PTCD3: variants seen among roughly 807,000 people sequenced by gnomAD.
PTCD3 encodes the protein small ribosomal subunit protein mS39.
Under a neutral mutation model 101.9 loss-of-function variants are expected in PTCD3, and 89 were observed. The observed-to-expected ratio is 0.87, with a 90% CI of 0.74 to 1.04. The LOEUF (loss-of-function observed/expected upper bound fraction) is 1.04, where lower values mean the gene tolerates loss of function less well. Ranked by LOEUF, PTCD3 falls within the 50% of genes least tolerant of loss-of-function variation. PTCD3 has a pLI of 0.00. For synonymous variants in PTCD3, 296 were observed against 278.5 expected, an observed-to-expected ratio of 1.06 and a Z score of -0.63; for missense variants, 870 against 828.2, an observed-to-expected ratio of 1.05 and a Z score of -0.62.
At chr2:86,133,773 CCT>C (rs1458552838) in intron 19 of PTCD3, among the ~76,000 whole-genome samples, 1 of 152,210 alleles carries the variant, frequency 6.6e-6, no homozygotes, top group East Asian at 1.9e-4. Context: ...CTGTGTAATT[CCT>C]CTGTGCCAGT....
At chr2:86,120,321 G>T (rs898453461) in intron 7 of PTCD3, among the ~76,000 whole-genome samples, 1 of 152,142 alleles carries the variant, frequency 6.6e-6, no homozygotes, top group Non-Finnish European at 1.5e-5. Context: ...AACATACCAG[G>T]GAAAGGATCC....
rs35529284 is a variant in PTCD3, at chr2:86,128,262, A to ATT, written c.1147+288_1147+289dup. Among the ~76,000 whole-genome samples the ATT allele has an allele frequency of 1.9e-3, 251 of 132,932 alleles. 2 individuals are homozygous for ATT. Among genetic ancestry groups the ATT allele is most frequent in the Middle Eastern group, 4.0e-3 (1 of 252 alleles). 87.2% of individuals were successfully genotyped at this position (132,932 alleles called of 152,430 possible). ...AGATGCCCACCAGCATGCCTAGCTG[A>ATT]TTTTTTTTTTTTTTTTTTGGACAGG... On this transcript the variant is annotated intron_variant, in intron 14 of 23. Transcript: ENST00000254630.
rs529570425 is a variant in PTCD3, at chr2:86,140,274, C to T, written c.*2715C>T. 3.3e-5 allele frequency: 5 copies of T among 149,706 alleles called. No homozygotes were observed. The East Asian group carries it at 7.8e-4, about 23-fold the overall frequency. The allele number at this position is 149,706 out of a possible 1,614,324, so 9.3% of individuals were successfully genotyped here. A position where few individuals can be genotyped will look rare whatever the true frequency, so the allele number is the denominator to read the frequency against. On this transcript the variant is annotated 3_prime_UTR_variant, in exon 24 of 24. Transcript: ENST00000254630. ...AGTTAGCTGCTATATAAACACTATA[C>T]CAAGCACTAGGCTTAGAGGAAAAGA...
In PTCD3 at chr2:86,117,081, C is replaced by T. The variant is rs369925870; in HGVS notation, c.336C>T (p.Ser112=). The change falls in exon 6 of 24, where the codon TCC becomes TCT. Residue 112 remains serine, a synonymous_variant. Transcript: ENST00000254630. ...GTTCATTTTTACTGGCAAAGAAATCCGGGGAGAATGTGGCCAAGTTTATTA... is the reference window on the plus strand; with the variant it reads ...GTTCATTTTTACTGGCAAAGAAATCTGGGGAGAATGTGGCCAAGTTTATTA... The part of the protein sequence containing the change: ...ESRSFLLAKK[S]GENVAKFIIN... 88 of 1,439,002 alleles carry T rather than the reference C, an allele frequency of 6.1e-5. No homozygotes were observed. Among genetic ancestry groups the T allele is most frequent in the South Asian group, 2.1e-4 (18 of 87,100 alleles). 89.1% of individuals were successfully genotyped at this position (1,439,002 alleles called of 1,614,324 possible).
chr2:86,117,006 T>C, intron 5 of PTCD3, 49 bp from the exon 6 acceptor site: 1 of 800,808 alleles, frequency 1.2e-6, no homozygotes. Context: ...GTAACTATAA[T>C]CTTGCTTGAG....
At chr2:86,113,577 G>A (rs1403426435) in intron 4 of PTCD3, among the ~76,000 whole-genome samples, 1 of 152,130 alleles carries the variant, frequency 6.6e-6, no homozygotes. Flanking sequence ...AGGTCAAGGC[G>A]GGTGGATCCT....
intron 5 of PTCD3, among the ~76,000 whole-genome samples, 173 bp from the exon 6 acceptor site, chr2:86,116,882 A>C (rs1192010515): frequency 6.6e-6 from 1 of 152,206 alleles, no homozygotes; most frequent in African/African-American, 2.4e-5. Context: ...TAAGATGCTA[A>C]CTGAAATTAT....
At chr2:86,132,463 C>G (rs770107220) in intron 17 of PTCD3, 39 bp downstream of exon 17, 1 of 1,426,800 alleles carries the variant, frequency 7.0e-7, no homozygotes, top group Non-Finnish European at 9.8e-7. Context: ...CATGAGTTAC[C>G]AGATTCTGCA....
intron 4 of PTCD3, 62 bp downstream of exon 4, chr2:86,111,220 C>G: frequency 3.8e-6 from 5 of 1,331,156 alleles, no homozygotes; most frequent in Non-Finnish European, 5.4e-6. Context: ...CTTTTTAACT[C>G]GGCTAATAAC....
chr2:86,113,375 G>A (rs949520853), intron 4 of PTCD3, among the ~76,000 whole-genome samples: 4 of 152,080 alleles, frequency 2.6e-5, no homozygotes, highest in African/African-American at 7.2e-5. Context: ...TTTTAATTTC[G>A]TCTGTGGGGA....
intron 14 of PTCD3, among the ~76,000 whole-genome samples, chr2:86,128,393 A>G (rs895175392): frequency 6.6e-6 from 1 of 152,210 alleles, no homozygotes; most frequent in African/African-American, 2.4e-5. Flanking sequence ...GATGTTGTAC[A>G]AACAGGAATT....
intron 14 of PTCD3, among the ~76,000 whole-genome samples, 181 bp from the exon 15 acceptor site, chr2:86,130,467 A>T (rs1193885251): frequency 3.9e-5 from 6 of 152,236 alleles, no homozygotes; most frequent in Non-Finnish European, 8.8e-5. Flanking sequence ...CAGATTTTAC[A>T]GAGAATTGCT....
chr2:86,137,004 ATGGACAG>A lies in PTCD3; in HGVS notation c.1846_1852del (p.Asp616GlnfsTer13). ...CAGAAGTGAGTTGCTGAATGAGCTTATGGACAGTGCAAAAGTGTCTAACAGCCCTTCC... is the reference window on the plus strand; with the variant it reads ...CAGAAGTGAGTTGCTGAATGAGCTTATGCAAAAGTGTCTAACAGCCCTTCC... On this transcript the variant is annotated frameshift_variant, in exon 23 of 24. Transcript: ENST00000254630. LOFTEE classifies it high-confidence loss of function. The A allele has an allele frequency of 6.2e-7, 1 of 1,613,746 alleles. No homozygotes were observed. Among genetic ancestry groups the A allele is most frequent in the Non-Finnish European group, 8.5e-7 (1 of 1,179,968 alleles).
chr2:86,116,967 G>C, intron 5 of PTCD3, 88 bp from the exon 6 acceptor site: 10 of 643,296 alleles, frequency 1.6e-5, no homozygotes, highest in Non-Finnish European at 2.8e-5. Context: ...GTTTTTTTTT[G>C]TGAGGGGGGA....
At chr2:86,122,379 ATCTTTTCTAC>A (rs1341504068) in intron 8 of PTCD3, among the ~76,000 whole-genome samples, 27 of 152,192 alleles carry the variant, frequency 1.8e-4, no homozygotes, top group Non-Finnish European at 3.4e-4. Context: ...CTTCGTTTCT[ATCTTTTCTAC>A]TCTTTGCCCA....
chr2:86,126,955 G>A (rs1424792957), intron 12 of PTCD3, among the ~76,000 whole-genome samples: 1 of 152,150 alleles, frequency 6.6e-6, no homozygotes. Flanking sequence ...TCTATCAAGT[G>A]GGGTGGGTGT....
intron 7 of PTCD3, among the ~76,000 whole-genome samples, chr2:86,120,635 C>A (rs902287518): frequency 6.6e-6 from 1 of 152,142 alleles, no homozygotes; most frequent in African/African-American, 2.4e-5. Context: ...TGGCTCACAC[C>A]TGTAATCCCA....
At chr2:86,134,264 T>G (rs1210340072) in intron 19 of PTCD3, 28 bp from the exon 20 acceptor site, 4 of 1,496,370 alleles carry the variant, frequency 2.7e-6, no homozygotes, top group Non-Finnish European at 3.7e-6. Flanking sequence ...ATAACAATGA[T>G]CACTCCTTGT....
intron 14 of PTCD3, among the ~76,000 whole-genome samples, chr2:86,128,358 G>A (rs972089666): frequency 1.3e-4 from 20 of 151,756 alleles, no homozygotes; most frequent in Non-Finnish European, 2.8e-4. Context: ...CTGGAGGGGA[G>A]AGGGTTATGG....
Sources: allele counts gnomAD v4.1 joint callset (sites outside exome capture counted in the v4.1 genomes callset), GRCh38; gene constraint gnomAD v4.1.1; transcripts MANE v1.5; gene names NCBI Gene and HGNC (gene_info 2026-07-23, HGNC 2026-07-21).